Variants in KLF7 observed in about 807,000 individuals in gnomAD.
KLF7 encodes the protein KLF transcription factor 7.
KLF7 carries 2 observed loss-of-function variants against 27.3 expected under a neutral mutation model. That is an observed-to-expected ratio of 0.07 (90% CI 0.03 to 0.23). KLF7 has a LOEUF of 0.23. KLF7 is among the 10% of genes least tolerant of loss of function. The pLI is 1.00. For synonymous variants in KLF7, 165 were observed against 162.4 expected (o/e 1.02, Z -0.12); for missense variants, 221 against 394.1 (o/e 0.56, Z 3.72).
At chr2:207,166,744 G>A (rs2078724515), upstream of KLF7, 6 of 962,088 alleles carry the variant, frequency 6.2e-6, no homozygotes, top group Admixed American at 6.2e-5. Flanking sequence ...GTGCCGGGGA[G>A]GTCCTCACGT....
Position 207,152,272 on chromosome 2 carries a change from T to TACAC in KLF7, c.102+13191_102+13194dup, listed in dbSNP as rs67380335. The stretch of plus-strand genomic sequence containing the variant: ...CTAAGAACTGGTTACATGTTTTTCT[T>TACAC]ACACACACACACACACACACACACA... On this transcript the variant is annotated intron_variant, in intron 1 of 3. Transcript: ENST00000309446. 6.5e-3 allele frequency among the ~76,000 whole-genome samples: 981 copies of TACAC among 150,558 alleles called. 9 individuals carry two copies. Among genetic ancestry groups the TACAC allele is most frequent in the African/African-American group, 0.023 (923 of 40,670 alleles).
At chr2:207,124,855 TAA>T (rs2077438460) in intron 1 of KLF7, among the ~76,000 whole-genome samples, 1 of 152,148 alleles carries the variant, frequency 6.6e-6, no homozygotes. Flanking sequence ...ATCACACAAG[TAA>T]GTCAGTTTTC....
rs1346199990 is a variant in KLF7 at position 207,077,806 on chromosome 2, G to C, written c.*3407C>G. ...TTTGAAATTACAAAAAAAAAAAATT[G>C]TCAGTGGCTTAGAAACTCTTTTTCT... On this transcript the variant is annotated 3_prime_UTR_variant, in exon 4 of 4. Transcript: ENST00000309446. 6.6e-6 allele frequency: 1 copy of C among 151,736 alleles called. No individual in the cohort carries two copies. The highest frequency in any genetic ancestry group is 1.5e-5 in the Non-Finnish European group (1 of 67,968). The allele number at this position is 151,736 out of a possible 1,614,324, so 9.4% of individuals were successfully genotyped here.
At chr2:207,125,390 A>G (rs2077452189) in intron 1 of KLF7, among the ~76,000 whole-genome samples, 1 of 152,192 alleles carries the variant, frequency 6.6e-6, no homozygotes, top group African/African-American at 2.4e-5. Flanking sequence ...GTATAAAACT[A>G]TGTTGCTAAC....
chr2:207,140,752 A>G (rs2077918127), intron 1 of KLF7, among the ~76,000 whole-genome samples: 3 of 152,204 alleles, frequency 2.0e-5, no homozygotes, highest in African/African-American at 7.2e-5. Context: ...GTAACAGACT[A>G]AAAAGAAGGG....
In KLF7 at chr2:207,075,531, G is replaced by A. The variant is rs2076160154; in HGVS notation, c.*5682C>T. 1 of 152,014 alleles carries A rather than the reference G, an allele frequency of 6.6e-6. No homozygotes were observed. Among genetic ancestry groups the A allele is most frequent in the Non-Finnish European group, 1.5e-5 (1 of 68,006 alleles). The allele number at this position is 152,014 out of a possible 1,614,324, so 9.4% of individuals were successfully genotyped here. ...TAGGTCTCTCCAAACACACTTGTTA[G>A]ACACATCTGGCAAAAAGAAAATGTA... On this transcript the variant is annotated 3_prime_UTR_variant, in exon 4 of 4. Coordinates refer to ENST00000309446, the MANE Select transcript of KLF7 (RefSeq NM_003709.4).
At chr2:207,124,867 C>T (rs925557576) in intron 1 of KLF7, among the ~76,000 whole-genome samples, 5 of 152,120 alleles carry the variant, frequency 3.3e-5, no homozygotes, top group Admixed American at 3.3e-4. Context: ...AGTCAGTTTT[C>T]CCACTTGCTC....
At chr2:207,155,480 C>T (rs192887663) in intron 1 of KLF7, among the ~76,000 whole-genome samples, 139 of 152,302 alleles carry the variant, frequency 9.1e-4, no homozygotes, top group African/African-American at 3.2e-3. Flanking sequence ...AAGAATGTGC[C>T]AATGACAAAA....
At chr2:207,112,868 C>T (rs1454424661) in intron 2 of KLF7, among the ~76,000 whole-genome samples, 1 of 152,210 alleles carries the variant, frequency 6.6e-6, no homozygotes, top group Non-Finnish European at 1.5e-5. Flanking sequence ...TGTTCATTTG[C>T]CATGAGGAAA....
chr2:207,149,450 T>C (rs866089331), intron 1 of KLF7, among the ~76,000 whole-genome samples: 1 of 152,290 alleles, frequency 6.6e-6, no homozygotes, highest in Admixed American at 6.5e-5. Flanking sequence ...TGATGATCCA[T>C]CCCGGCTGAC....
At chr2:207,099,550 C>CTATATATATATATATATA (rs1359258095) in intron 2 of KLF7, among the ~76,000 whole-genome samples, 360 of 22,814 alleles carry the variant, frequency 0.016, 20 homozygotes, top group Non-Finnish European at 0.026. Context: ...GCTACATATG[C>CTATATATATATATATATA]GATATATATA....
At chr2:207,168,301 T>C (rs549267538), upstream of KLF7, among the ~76,000 whole-genome samples, 40 of 152,344 alleles carry the variant, frequency 2.6e-4, no homozygotes, top group African/African-American at 9.6e-4. Context: ...TAGTTCCCAT[T>C]TATTAAGCAC....
upstream of KLF7, chr2:207,166,960 C>T (rs1399778477): frequency 1.1e-5 from 9 of 843,420 alleles, no homozygotes; most frequent in Admixed American, 2.5e-4. Context: ...GCCGCCCTCC[C>T]TCCCGCGCCT....
At position 207,081,061 on chromosome 2, in the gene KLF7, A is replaced by ATGTG. The variant is rs59847589; in HGVS notation, c.*148_*151dup. 0.29 allele frequency: 196,318 copies of ATGTG among 668,564 alleles called. 10,875 individuals carry two copies. Among genetic ancestry groups the ATGTG allele is most frequent in the Non-Finnish European group, 0.33 (123,149 of 370,590 alleles). 41.4% of individuals were successfully genotyped at this position (668,564 alleles called of 1,614,324 possible). On this transcript the variant is annotated 3_prime_UTR_variant, in exon 4 of 4. Transcript: ENST00000309446. ...TGTGTGGGTCTGTGAGTGTGTGTAT[A>ATGTG]TGTGTGTGTGTGTGTGTGTGTGTAC...
intron 2 of KLF7, among the ~76,000 whole-genome samples, chr2:207,113,600 T>TGGGGGG (rs1165302237): frequency 4.1e-4 from 1 of 2,448 alleles, no homozygotes; most frequent in Non-Finnish European, 7.6e-4. Context: ...CAAAGTGGAA[T>TGGGGGG]GGGGGGTGGG....
chr2:207,150,964 A>C (rs2078225833), intron 1 of KLF7, among the ~76,000 whole-genome samples: 1 of 149,618 alleles, frequency 6.7e-6, no homozygotes, highest in Admixed American at 6.7e-5. Flanking sequence ...TTTGCCTGTC[A>C]AAAGCTCTGA....
At chr2:207,134,154 A>ACTTTT in intron 1 of KLF7, 2 of 1,141,046 alleles carry the variant, frequency 1.8e-6, no homozygotes, top group South Asian at 1.9e-5. Context: ...GGCTACTGGG[A>ACTTTT]TTTTTTTTTT....
intron 1 of KLF7, among the ~76,000 whole-genome samples, chr2:207,136,394 T>C (rs2077790622): frequency 6.6e-6 from 1 of 152,132 alleles, no homozygotes; most frequent in South Asian, 2.1e-4. Flanking sequence ...CTCAGAGCCC[T>C]AGTAACTCCG....
chr2:207,101,007 C>G (rs1240398285), intron 2 of KLF7, among the ~76,000 whole-genome samples: 1 of 152,232 alleles, frequency 6.6e-6, no homozygotes, highest in Non-Finnish European at 1.5e-5. Flanking sequence ...ACTGAGACAT[C>G]AGACCATCAA....
Sources: gnomAD v4.1 joint callset for allele counts (sites outside exome capture counted in the v4.1 genomes callset) on GRCh38, gnomAD v4.1.1 for gene constraint, MANE v1.5 for transcripts, NCBI Gene and HGNC (gene_info 2026-07-23, HGNC 2026-07-21) for gene names.